EXOC4: variants seen among roughly 807,000 people sequenced by gnomAD.
The protein encoded by EXOC4 is SEC8-like 1.
Under a neutral mutation model 107.2 loss-of-function variants are expected in EXOC4, and 71 were observed. That is an observed-to-expected ratio of 0.66 (90% CI 0.55 to 0.81). The LOEUF (loss-of-function observed/expected upper bound fraction) is 0.81. Among genes scored for constraint, EXOC4 ranks in the 30% least tolerant of loss-of-function variants. EXOC4 has a pLI of 0.00. For synonymous variants in EXOC4, 456 were observed against 441.2 expected (o/e 1.03, Z -0.42); for missense variants, 1,108 against 1,189.6 (o/e 0.93, Z 1.01).
At chr7:133,322,553 T>G (rs1584810319) in intron 5 of EXOC4, among the ~76,000 whole-genome samples, 1 of 152,116 alleles carries the variant, frequency 6.6e-6, no homozygotes, top group African/African-American at 2.4e-5. Context: ...TTTCTGAGGC[T>G]TCTGTTCTGT....
At chr7:133,741,242 A>G (rs554299913) in intron 10 of EXOC4, among the ~76,000 whole-genome samples, 36 of 152,218 alleles carry the variant, frequency 2.4e-4, no homozygotes, top group Admixed American at 6.5e-4. Context: ...TCTTGCCTCT[A>G]AACACAGGTC....
At position 133,787,955 on chromosome 7, in the gene EXOC4, TTATATATTTATA is replaced by T. The variant is rs1329014862; in HGVS notation, c.1515-29362_1515-29351del. The stretch of plus-strand genomic sequence containing the variant: ...AGATACTTCTTCCCTGTGCATATAT[TTATATATTTATA>T]TATATATATATATATATATATATAT... On this transcript the variant is annotated intron_variant, in intron 10 of 17. Coordinates refer to ENST00000253861, the MANE Select transcript of EXOC4 (RefSeq NM_021807.4). Among the ~76,000 whole-genome samples the T allele has an allele frequency of 9.8e-3, 309 of 31,616 alleles. 13 individuals are homozygous for T. The highest frequency in any genetic ancestry group is 0.083 in the Middle Eastern group (4 of 48). 20.7% of individuals were successfully genotyped at this position (31,616 alleles called of 152,430 possible).
intron 7 of EXOC4, among the ~76,000 whole-genome samples, chr7:133,410,646 T>C (rs2150744839): frequency 6.6e-6 from 1 of 152,270 alleles, no homozygotes; most frequent in African/African-American, 2.4e-5. Flanking sequence ...GAAAGAAAGA[T>C]TTTTATTTTT....
At chr7:133,864,293 A>G (rs770561128) in intron 11 of EXOC4, among the ~76,000 whole-genome samples, 4 of 152,098 alleles carry the variant, frequency 2.6e-5, no homozygotes, top group Non-Finnish European at 2.9e-5. Context: ...TATTTCTTCT[A>G]TTTGGTAGAG....
intron 5 of EXOC4, among the ~76,000 whole-genome samples, chr7:133,340,660 CTT>C (rs1015489801): frequency 6.6e-6 from 1 of 151,298 alleles, no homozygotes. Context: ...TAGTCCTGGA[CTT>C]TTTTTTGTTG....
intron 9 of EXOC4, among the ~76,000 whole-genome samples, chr7:133,538,468 A>G (rs1584984845): frequency 6.6e-6 from 1 of 152,016 alleles, no homozygotes; most frequent in East Asian, 1.9e-4. Context: ...ACAGTTGTAT[A>G]TATGCTCTCA....
intron 12 of EXOC4, among the ~76,000 whole-genome samples, chr7:133,903,317 G>A (rs747999128): frequency 5.9e-5 from 9 of 152,174 alleles, no homozygotes; most frequent in Non-Finnish European, 1.2e-4. Context: ...ATTGAAAATA[G>A]GCTTTAGGTA....
chr7:134,035,312 TG>T (rs1795364719), intron 17 of EXOC4, among the ~76,000 whole-genome samples: 1 of 152,184 alleles, frequency 6.6e-6, no homozygotes, highest in East Asian at 1.9e-4. Context: ...CCCAAAGTGC[TG>T]GGATTACAGG....
At chr7:133,384,519 A>C (rs955963321) in intron 7 of EXOC4, among the ~76,000 whole-genome samples, 1 of 152,178 alleles carries the variant, frequency 6.6e-6, no homozygotes, top group African/African-American at 2.4e-5. Flanking sequence ...CAAGGCAAGA[A>C]TGTTGCTAGG....
At chr7:134,000,196 C>G (rs1316220485) in intron 15 of EXOC4, among the ~76,000 whole-genome samples, 1 of 152,136 alleles carries the variant, frequency 6.6e-6, no homozygotes, top group Non-Finnish European at 1.5e-5. Context: ...GTAGATACAA[C>G]TAGCAGAATA....
intron 10 of EXOC4, among the ~76,000 whole-genome samples, chr7:133,777,355 C>G (rs1309766298): frequency 6.6e-6 from 1 of 151,446 alleles, no homozygotes; most frequent in South Asian, 2.1e-4. Flanking sequence ...TGTGATTGTA[C>G]TAGACATTTT....
intron 15 of EXOC4, among the ~76,000 whole-genome samples, chr7:134,000,759 G>C (rs2346440): frequency 0.51 from 77,465 of 151,902 alleles, 20,738 homozygotes; most frequent in African/African-American, 0.66. Flanking sequence ...TGGTGAAAAA[G>C]TGGCTGGTTA....
At chr7:134,002,470 A>G (rs1049255521) in intron 15 of EXOC4, among the ~76,000 whole-genome samples, 1 of 152,174 alleles carries the variant, frequency 6.6e-6, no homozygotes, top group African/African-American at 2.4e-5. Context: ...AAAAGTTATA[A>G]ATTGAACTTC....
rs190478041 is a variant in EXOC4, at chr7:133,394,435, C to G, written c.1182+19433C>G. Among the ~76,000 whole-genome samples the G allele has an allele frequency of 2.4e-4, 37 of 152,238 alleles. 1 individual carries two copies. The highest frequency in any genetic ancestry group is 4.6e-4 in the Admixed American group (7 of 15,278). On this transcript the variant is annotated intron_variant, in intron 7 of 17. Coordinates refer to ENST00000253861, the MANE Select transcript of EXOC4 (RefSeq NM_021807.4). ...TACCTTCTTTAAGTGTTAAGTCTGT[C>G]CTTAGAATCATCAGAGCTTCTATTA...
chr7:133,345,897 C>T (rs943215373), intron 5 of EXOC4, among the ~76,000 whole-genome samples: 6 of 152,110 alleles, frequency 3.9e-5, no homozygotes, highest in African/African-American at 2.4e-5. Context: ...TAATCTGCAC[C>T]TTAGGGGTGC....
intron 14 of EXOC4, among the ~76,000 whole-genome samples, chr7:133,979,516 G>A (rs1243565981): frequency 6.6e-6 from 1 of 152,094 alleles, no homozygotes; most frequent in African/African-American, 2.4e-5. Flanking sequence ...GGCTGGGTGC[G>A]GTGGCTCACG....
intron 10 of EXOC4, among the ~76,000 whole-genome samples, chr7:133,673,581 T>A (rs1238716681): frequency 6.6e-6 from 1 of 152,226 alleles, no homozygotes; most frequent in Non-Finnish European, 1.5e-5. Context: ...TTCTCCTGCA[T>A]GTCCCAACCT....
At chr7:133,311,297 A>G (rs1427278105) in intron 4 of EXOC4, among the ~76,000 whole-genome samples, 2 of 152,184 alleles carry the variant, frequency 1.3e-5, no homozygotes, top group Non-Finnish European at 2.9e-5. Flanking sequence ...TTTAGTCAAA[A>G]CAGTACAGAC....
At chr7:133,513,675 A>G (rs1360569178) in intron 9 of EXOC4, among the ~76,000 whole-genome samples, 1 of 152,170 alleles carries the variant, frequency 6.6e-6, no homozygotes, top group Non-Finnish European at 1.5e-5. Flanking sequence ...GTCTTCTAGT[A>G]GTCTTTGTTT....
Sources: gnomAD v4.1 joint callset for allele counts (sites outside exome capture counted in the v4.1 genomes callset) on GRCh38, gnomAD v4.1.1 for gene constraint, MANE v1.5 for transcripts, NCBI Gene and HGNC (gene_info 2026-07-23, HGNC 2026-07-21) for gene names.